SESTD1: variants seen among roughly 807,000 people sequenced by gnomAD.
SESTD1 encodes SEC14 domain and spectrin repeat-containing protein 1.
Under a neutral mutation model 101.7 loss-of-function variants are expected in SESTD1, and 43 were observed. The ratio of observed to expected loss-of-function variants is 0.42; its 90% CI spans 0.33 to 0.55. The LOEUF (loss-of-function observed/expected upper bound fraction) is 0.55, where lower values mean the gene tolerates loss of function less well. Among genes scored for constraint, SESTD1 ranks in the 20% least tolerant of loss-of-function variants. The pLI is 0.07. For missense variants in SESTD1, 647 were observed against 815.1 expected, an observed-to-expected ratio of 0.79 and a Z score of 2.51; for synonymous variants, 283 against 286.8, an observed-to-expected ratio of 0.99 and a Z score of 0.13.
chr2:179,146,907 GTGTGT>G (rs773985412), intron 7 of SESTD1, among the ~76,000 whole-genome samples: 638 of 47,894 alleles, frequency 0.013, 2 homozygotes, highest in African/African-American at 0.038. Flanking sequence ...TTCCAGGGGT[GTGTGT>G]GTGTGTGTGT....
chr2:179,166,393 GA>G (rs1030874055), intron 5 of SESTD1, among the ~76,000 whole-genome samples: 2 of 152,182 alleles, frequency 1.3e-5, no homozygotes, highest in Non-Finnish European at 2.9e-5. Flanking sequence ...GAGTGCTGCG[GA>G]AAGGACTGAA....
At chr2:179,167,934 T>C (rs1350300515) in intron 5 of SESTD1, among the ~76,000 whole-genome samples, 3 of 152,118 alleles carry the variant, frequency 2.0e-5, no homozygotes, top group Non-Finnish European at 4.4e-5. Context: ...GGCTAATTTA[T>C]GTATTTTTAG....
intron 9 of SESTD1, among the ~76,000 whole-genome samples, chr2:179,135,332 T>G (rs1462867942): frequency 6.6e-6 from 1 of 152,226 alleles, no homozygotes; most frequent in African/African-American, 2.4e-5. Flanking sequence ...TTGAATACAT[T>G]GCAAATGTTT....
intron 16 of SESTD1, among the ~76,000 whole-genome samples, chr2:179,113,865 CAAAAA>C (rs778424702): frequency 3.3e-5 from 3 of 90,466 alleles, no homozygotes; most frequent in African/African-American, 1.0e-4. Flanking sequence ...GACTCTGTCT[CAAAAA>C]AAAAAAAAAA....
Position 179,102,466 on chromosome 2 carries a change from T to C in SESTD1, c.*7433A>G, listed in dbSNP as rs1157286385. On this transcript the variant is annotated 3_prime_UTR_variant, in exon 18 of 18. Transcript: ENST00000428443. ...CTTTTATTAACAGAAATCAAACTTA[T>C]TGTCCAAAGTGACAATATATCAAAG... 1.3e-5 allele frequency: 2 copies of C among 152,178 alleles called. No individual in the cohort carries two copies. Among genetic ancestry groups the C allele is most frequent in the African/African-American group, 4.8e-5 (2 of 41,456 alleles). 9.4% of individuals were successfully genotyped at this position (152,178 alleles called of 1,614,324 possible). A position where few individuals can be genotyped will look rare whatever the true frequency, so the allele number is the denominator to read the frequency against.
chr2:179,115,577 A>C (rs1208677941), intron 15 of SESTD1, among the ~76,000 whole-genome samples: 3 of 151,878 alleles, frequency 2.0e-5, no homozygotes, highest in African/African-American at 7.3e-5. Context: ...GCAAGATCCT[A>C]TCTCTAAAAA....
rs1444832266 is a variant in SESTD1, at chr2:179,203,678, G to A, written c.-25-11812C>T. Among the ~76,000 whole-genome samples, 3 of 134,840 alleles carry A rather than the reference G, an allele frequency of 2.2e-5. 1 individual carries two copies. The highest frequency in any genetic ancestry group is 4.8e-5 in the Non-Finnish European group (3 of 62,804). 88.5% of individuals were successfully genotyped at this position (134,840 alleles called of 152,430 possible). A position where few individuals can be genotyped will look rare whatever the true frequency, so the allele number is the denominator to read the frequency against. Reference sequence around the variant, plus strand: ...GAATTATCGAACCTGAAGGGGTTGTGGGTGATGAGAACCTTGATTTGCAGC... The same window carrying A: ...GAATTATCGAACCTGAAGGGGTTGTAGGTGATGAGAACCTTGATTTGCAGC... On this transcript the variant is annotated intron_variant, in intron 1 of 17. Coordinates refer to ENST00000428443, the MANE Select transcript of SESTD1 (RefSeq NM_178123.5).
At chr2:179,234,856 C>T (rs190841020) in intron 1 of SESTD1, among the ~76,000 whole-genome samples, 105 of 151,718 alleles carry the variant, frequency 6.9e-4, no homozygotes, top group African/African-American at 2.4e-3. Flanking sequence ...TGTCTGTAAT[C>T]CCAGTACTTT....
intron 1 of SESTD1, among the ~76,000 whole-genome samples, chr2:179,250,911 A>G (rs2047307439): frequency 6.6e-6 from 1 of 152,192 alleles, no homozygotes; most frequent in Non-Finnish European, 1.5e-5. Context: ...CATCTTGGCA[A>G]CTGCACACTT....
intron 17 of SESTD1, 58 bp from the exon 18 acceptor site, chr2:179,110,086 G>A (rs1428232671): frequency 1.9e-6 from 3 of 1,562,140 alleles, no homozygotes; most frequent in Non-Finnish European, 2.6e-6. Flanking sequence ...TAACTGCAGT[G>A]AATACAAATA....
At chr2:179,245,586 G>A (rs1559160071) in intron 1 of SESTD1, among the ~76,000 whole-genome samples, 1 of 150,328 alleles carries the variant, frequency 6.7e-6, no homozygotes, top group Non-Finnish European at 1.5e-5. Context: ...TAGCTACTTA[G>A]GGGGAGCTGA....
At chr2:179,134,254 A>T (rs2045083295) in intron 9 of SESTD1, among the ~76,000 whole-genome samples, 1 of 152,184 alleles carries the variant, frequency 6.6e-6, no homozygotes, top group South Asian at 2.1e-4. Flanking sequence ...GCCAATTCTC[A>T]TAGATAACAA....
At chr2:179,259,549 A>T (rs1274093100) in intron 1 of SESTD1, among the ~76,000 whole-genome samples, 1 of 152,014 alleles carries the variant, frequency 6.6e-6, no homozygotes, top group Non-Finnish European at 1.5e-5. Context: ...GCTTTTTTAT[A>T]GGTAAGGAAA....
intron 1 of SESTD1, among the ~76,000 whole-genome samples, chr2:179,215,602 T>C (rs533750869): frequency 7.4e-6 from 1 of 134,332 alleles, no homozygotes; most frequent in East Asian, 2.0e-4. Flanking sequence ...ACCAGTCCAA[T>C]CAATAGAAAA....
chr2:179,176,806 A>C (rs1368338248), intron 3 of SESTD1, among the ~76,000 whole-genome samples: 1 of 152,224 alleles, frequency 6.6e-6, no homozygotes, highest in Non-Finnish European at 1.5e-5. Context: ...ATGTCTTAAA[A>C]AGTAAAGACA....
intron 7 of SESTD1, among the ~76,000 whole-genome samples, chr2:179,147,261 G>A (rs1434607155): frequency 6.6e-5 from 10 of 151,962 alleles, no homozygotes; most frequent in African/African-American, 2.4e-4. Context: ...AGTTCCTTGA[G>A]GAGGAACTGG....
At chr2:179,235,622 C>T (rs1350026173) in intron 1 of SESTD1, among the ~76,000 whole-genome samples, 2 of 152,196 alleles carry the variant, frequency 1.3e-5, no homozygotes, top group East Asian at 3.8e-4. Context: ...ATTCTACCCT[C>T]TTCTCAACAG....
chr2:179,197,877 G>C (rs912762014), intron 1 of SESTD1, among the ~76,000 whole-genome samples: 3 of 151,810 alleles, frequency 2.0e-5, no homozygotes, highest in Non-Finnish European at 2.9e-5. Flanking sequence ...AAAGACCATC[G>C]AGACTAGGAA....
chr2:179,249,251 A>T (rs900394608), intron 1 of SESTD1, among the ~76,000 whole-genome samples: 1 of 151,522 alleles, frequency 6.6e-6, no homozygotes, highest in Non-Finnish European at 1.5e-5. Flanking sequence ...CTATTTGCAA[A>T]TAATTGCCTA....
Sources: allele counts gnomAD v4.1 joint callset (sites outside exome capture counted in the v4.1 genomes callset), GRCh38; gene constraint gnomAD v4.1.1; transcripts MANE v1.5; gene names NCBI Gene and HGNC (gene_info 2026-07-23, HGNC 2026-07-21).